Variants in RGL1 observed in about 807,000 individuals in gnomAD.
RGL1 encodes the protein ral guanine nucleotide dissociation stimulator-like 1.
In RGL1, 24 loss-of-function variants were observed where a neutral mutation model predicts 95.2. The ratio of observed to expected loss-of-function variants is 0.25; its 90% CI spans 0.18 to 0.35. The LOEUF (loss-of-function observed/expected upper bound fraction) is 0.35, where lower values mean the gene tolerates loss of function less well. RGL1 is among the 10% of genes least tolerant of loss of function. RGL1 has a pLI of 1.00. For synonymous variants in RGL1, 329 were observed against 344.9 expected, an observed-to-expected ratio of 0.95 and a Z score of 0.51; for missense variants, 715 against 936.3, an observed-to-expected ratio of 0.76 and a Z score of 3.08.
intron 4 of RGL1, among the ~76,000 whole-genome samples, chr1:183,878,972 T>C (rs1666673076): frequency 6.6e-6 from 1 of 152,252 alleles, no homozygotes; most frequent in African/African-American, 2.4e-5. Flanking sequence ...GGTGCAAAAC[T>C]CTTTTTCTGT....
chr1:183,709,045 C>G (rs994712545), intron 1 of RGL1, among the ~76,000 whole-genome samples: 1 of 152,164 alleles, frequency 6.6e-6, no homozygotes, highest in Non-Finnish European at 1.5e-5. Context: ...CCAAATGAGA[C>G]CGGGCAGGGG....
At chr1:183,846,376 CA>C (rs773456504) in intron 2 of RGL1, among the ~76,000 whole-genome samples, 274 of 151,266 alleles carry the variant, frequency 1.8e-3, no homozygotes, top group Non-Finnish European at 3.1e-3. Context: ...GGGAACGTCA[CA>C]CATGGGGGCC....
intron 1 of RGL1, among the ~76,000 whole-genome samples, chr1:183,657,899 T>C (rs569836228): frequency 1.4e-4 from 22 of 152,310 alleles, no homozygotes; most frequent in Admixed American, 5.2e-4. Context: ...TAGTTCACAG[T>C]CCCACCAACA....
intron 4 of RGL1, among the ~76,000 whole-genome samples, chr1:183,877,369 G>A (rs1666558513): frequency 6.6e-6 from 1 of 152,306 alleles, no homozygotes; most frequent in South Asian, 2.1e-4. Flanking sequence ...CAGTAATCCT[G>A]TTTTTCTTTT....
chr1:183,707,568 G>C (rs1436309588), intron 1 of RGL1, among the ~76,000 whole-genome samples: 1 of 152,030 alleles, frequency 6.6e-6, no homozygotes, highest in Admixed American at 6.5e-5. Context: ...CTGAGGGTTT[G>C]AATGGGGAAA....
At chr1:183,666,989 TTCTA>T (rs1228790504) in intron 1 of RGL1, among the ~76,000 whole-genome samples, 38 of 152,332 alleles carry the variant, frequency 2.5e-4, no homozygotes, top group African/African-American at 8.2e-4. Flanking sequence ...TGCCTTGAAG[TTCTA>T]TCTGTTTTTG....
At chr1:183,837,306 C>G (rs79292611) in intron 2 of RGL1, among the ~76,000 whole-genome samples, 4,662 of 152,244 alleles carry the variant, frequency 0.031, 103 homozygotes, top group Non-Finnish European at 0.045. Context: ...CTCACTACCC[C>G]CTGCTGACCT....
intron 2 of RGL1, chr1:183,742,351 A>C: frequency 1.3e-6 from 2 of 1,593,734 alleles, no homozygotes; most frequent in Non-Finnish European, 1.7e-6. Flanking sequence ...CTGAGACCAT[A>C]ATTCTTCGTG....
At chr1:183,647,777 C>A in intron 1 of RGL1, 3 of 1,614,200 alleles carry the variant, frequency 1.9e-6, no homozygotes, top group Non-Finnish European at 2.5e-6. Context: ...CAGTGGGAAG[C>A]CTTCCAAGGT....
intron 2 of RGL1, among the ~76,000 whole-genome samples, chr1:183,831,839 G>A (rs570370782): frequency 4.9e-4 from 75 of 152,208 alleles, no homozygotes; most frequent in Middle Eastern, 3.4e-3. Context: ...AGTCTAGTGC[G>A]GGATACCTAT....
chr1:183,900,013 A>G, intron 10 of RGL1, 137 bp from the exon 11 acceptor site: 1 of 575,452 alleles, frequency 1.7e-6, no homozygotes, highest in East Asian at 2.9e-5. Flanking sequence ...AAATTTAAAA[A>G]ATGTTATTCA....
At chr1:183,912,359 T>G (rs1395763318) in intron 15 of RGL1, 91 bp downstream of exon 15, 1 of 1,063,660 alleles carries the variant, frequency 9.4e-7, no homozygotes, top group African/African-American at 1.6e-5. Flanking sequence ...TTTAAGTGGA[T>G]CACTCTATAG....
At chr1:183,852,008 C>A (rs1007960859) in intron 3 of RGL1, among the ~76,000 whole-genome samples, 1 of 152,004 alleles carries the variant, frequency 6.6e-6, no homozygotes, top group Non-Finnish European at 1.5e-5. Flanking sequence ...AAAATAATTT[C>A]TTTTGGTTTC....
rs1329181871 is a variant in RGL1, at chr1:183,906,649, A to AG, written c.1473-358dup. Among the ~76,000 whole-genome samples the AG allele has an allele frequency of 2.0e-5, 3 of 152,160 alleles. No homozygotes were observed. The East Asian group carries it at 5.8e-4, about 29-fold the overall frequency. On this transcript the variant is annotated intron_variant, in intron 13 of 17. Coordinates refer to ENST00000360851, the MANE Select transcript of RGL1 (RefSeq NM_001297671.3). ...AAGGAGGTAATAGAGAAGAAATAGG[A>AG]GGGGGAGGTAGTAGAGGAAGGAAGA...
chr1:183,876,977 C>T (rs1666531541), intron 4 of RGL1, among the ~76,000 whole-genome samples: 1 of 152,156 alleles, frequency 6.6e-6, no homozygotes, highest in African/African-American at 2.4e-5. Context: ...CTCAAAATGT[C>T]CTTATTGACA....
Position 183,904,861 on chromosome 1 carries a change from G to A in RGL1, c.1362G>A (p.Val454=). 6.2e-7 allele frequency: 1 copy of A among 1,609,348 alleles called. No homozygotes were observed. The highest frequency in any genetic ancestry group is 1.3e-5 in the African/African-American group (1 of 74,616). Residue 454 remains valine, a synonymous_variant, in exon 13 of 18, where the codon GTG becomes GTA. Transcript: ENST00000360851. ...NFEKRRREFE[V]IAQIKLLQSA... ...TCTGTCTGCTTTAGGAATTTGAAGT[G>A]ATTGCCCAGATAAAGCTCTTACAGT...
chr1:183,750,284 G>T (rs1222167457), intron 2 of RGL1, among the ~76,000 whole-genome samples: 1 of 151,856 alleles, frequency 6.6e-6, no homozygotes, highest in Non-Finnish European at 1.5e-5. Flanking sequence ...CTCTAATCTT[G>T]TCTTCACTCT....
intron 1 of RGL1, among the ~76,000 whole-genome samples, chr1:183,679,999 G>T (rs951493720): frequency 6.6e-6 from 1 of 152,016 alleles, no homozygotes. Context: ...ATGTTTGTTG[G>T]CCGCATAAAT....
intron 1 of RGL1, among the ~76,000 whole-genome samples, chr1:183,670,921 T>C (rs904790875): frequency 6.6e-6 from 1 of 152,210 alleles, no homozygotes; most frequent in African/African-American, 2.4e-5. Context: ...TTTTCATACT[T>C]CTGTAAGAAC....
Sources: gnomAD v4.1 joint callset for allele counts (sites outside exome capture counted in the v4.1 genomes callset) on GRCh38, gnomAD v4.1.1 for gene constraint, MANE v1.5 for transcripts, NCBI Gene and HGNC (gene_info 2026-07-23, HGNC 2026-07-21) for gene names.